The following ENO4 variants were observed in gnomAD, a reference collection of about 807,000 sequenced individuals.
ENO4 encodes the protein enolase 4.
ENO4 carries 53 observed loss-of-function variants against 63.2 expected under a neutral mutation model. The ratio of observed to expected loss-of-function variants is 0.84; its 90% CI spans 0.67 to 1.05. ENO4 has a LOEUF of 1.05. Ranked by LOEUF, ENO4 falls within the 50% of genes least tolerant of loss-of-function variation. The pLI, the probability that ENO4 is intolerant of heterozygous loss-of-function variation, is 0.00. For missense variants in ENO4, 719 were observed against 772.0 expected (o/e 0.93, Z 0.81); for synonymous variants, 266 against 283.8 (o/e 0.94, Z 0.63).
In ENO4 at chr10:116,859,149, G is replaced by A. The variant is rs759244496; in HGVS notation, c.634+11G>A. The A allele has an allele frequency of 2.0e-6, 3 of 1,524,866 alleles. No individual in the cohort carries two copies. The South Asian group carries it at 3.7e-5, about 19-fold the overall frequency. 94.5% of individuals were successfully genotyped at this position (1,524,866 alleles called of 1,614,324 possible). ...AGGGGCAAAAGCCAGGTTGGTTGGT[G>A]ACTTATCTTGCAGAGTCGTTAGTAA... On this transcript the variant is annotated intron_variant, in intron 4 of 13. Coordinates refer to ENST00000341276, the MANE Select transcript of ENO4 (RefSeq NM_001242699.2).
At chr10:116,855,814 T>C (rs1846243326) in intron 2 of ENO4, 63 bp downstream of exon 2, 1 of 1,430,924 alleles carries the variant, frequency 7.0e-7, no homozygotes. Context: ...TAGCAACACT[T>C]GTCTAAGCTG....
chr10:116,850,088 T>G (rs2133236786), intron 1 of ENO4: 2 of 410,282 alleles, frequency 4.9e-6, no homozygotes, highest in Non-Finnish European at 4.6e-6. Context: ...TTTTAACACA[T>G]ACCTTAATGC....
chr10:116,862,659 TACTG>T, intron 6 of ENO4, 136 bp from the exon 7 acceptor site: 1 of 618,552 alleles, frequency 1.6e-6, no homozygotes, highest in Non-Finnish European at 2.9e-6. Flanking sequence ...ACATTTAATC[TACTG>T]ATTTTGTAGA....
chr10:116,878,965 G>A (rs1333905720), intron 11 of ENO4, among the ~76,000 whole-genome samples: 3 of 151,912 alleles, frequency 2.0e-5, no homozygotes, highest in East Asian at 1.9e-4. Flanking sequence ...GGATGGTCTC[G>A]ATCTCCTGAC....
rs574707425 is a variant in ENO4, at chr10:116,881,590, C to T, written c.1799C>T (p.Ala600Val). The change falls in exon 14 of 14, where the codon GCG becomes GTG. Residue 600 changes from alanine (A) to valine (V), a missense_variant. Physicochemically the swap from Ala to Val is moderately conservative, Grantham distance 64. Around this residue, in one of 3 missense-constraint regions of ENO4, gnomAD observed 168 missense variants for 163.3 expected, o/e 1.03. Coordinates refer to ENST00000341276, the MANE Select transcript of ENO4 (RefSeq NM_001242699.2). Reference sequence around the variant, plus strand: ...GCTGCGGAGGCACTTGAGGCTGCTGCGGCTAGGGAGCCGCTGGTGCCCACC... The same window carrying T: ...GCTGCGGAGGCACTTGAGGCTGCTGTGGCTAGGGAGCCGCTGGTGCCCACC... ...EKAAEALEAA[A>V]AREPLVPTFP... The T allele has an allele frequency of 1.7e-5, 26 of 1,550,302 alleles. No individual in the cohort carries two copies. Among genetic ancestry groups the T allele is most frequent in the African/African-American group, 1.5e-4 (11 of 73,160 alleles).
chr10:116,867,580 C>T (rs868781779), intron 7 of ENO4, among the ~76,000 whole-genome samples: 1 of 152,090 alleles, frequency 6.6e-6, no homozygotes, highest in South Asian at 2.1e-4. Context: ...CAGAGTGAGA[C>T]CCTGTCTTTA....
At chr10:116,863,916 G>T (rs1846485761) in intron 7 of ENO4, among the ~76,000 whole-genome samples, 1 of 151,856 alleles carries the variant, frequency 6.6e-6, no homozygotes, top group Admixed American at 6.6e-5. Context: ...AGTTAGCTCT[G>T]ATGTTGCACT....
chr10:116,911,768 A>G, exon 11 of ENO4: 1 of 1,602,354 alleles, frequency 6.2e-7, no homozygotes, highest in Non-Finnish European at 8.5e-7. Context: ...TAGCTAAACA[A>G]TAAACTGAAA....
At chr10:116,900,619 T>C (rs1459736247) in intron 10 of ENO4, 7 of 1,526,450 alleles carry the variant, frequency 4.6e-6, no homozygotes, top group Middle Eastern at 1.8e-4. Context: ...CTCAGCCAAA[T>C]TGCTTTTGTG....
chr10:116,911,407 A>G, intron 10 of ENO4: 1 of 1,496,984 alleles, frequency 6.7e-7, no homozygotes, highest in Non-Finnish European at 8.9e-7. Flanking sequence ...CTTCACATTT[A>G]GGATTCTCCT....
At chr10:116,876,307 C>A (rs1281311444) in intron 11 of ENO4, 47 bp downstream of exon 11, 2 of 1,388,466 alleles carry the variant, frequency 1.4e-6, no homozygotes, top group Non-Finnish European at 1.9e-6. Context: ...CTTGGTTATA[C>A]AAGAAACCAA....
intron 10 of ENO4, among the ~76,000 whole-genome samples, chr10:116,894,085 AT>A (rs1416937894): frequency 1.3e-5 from 2 of 152,166 alleles, no homozygotes; most frequent in African/African-American, 2.4e-5. Flanking sequence ...AGGCAATTAG[AT>A]TTTTTTTCTT....
intron 7 of ENO4, among the ~76,000 whole-genome samples, chr10:116,863,334 C>T (rs1348790988): frequency 6.8e-6 from 1 of 147,748 alleles, no homozygotes; most frequent in East Asian, 2.0e-4. Context: ...AGGAGAGGGA[C>T]CCAATCCTTG....
In ENO4 at chr10:116,849,736, G is replaced by GTGTA; in HGVS notation, c.165+5_165+6insTGTA. Reference sequence around the variant, plus strand: ...GCCGACGTCTACGGGCACCTGGTAGGGACCTGGGACAAGCGCTCTCCTCCC... The same window carrying GTGTA: ...GCCGACGTCTACGGGCACCTGGTAGGTGTAGACCTGGGACAAGCGCTCTCCTCCC... On this transcript the variant is annotated splice_donor_region_variant and intron_variant, in intron 1 of 13. Coordinates refer to ENST00000341276, the MANE Select transcript of ENO4 (RefSeq NM_001242699.2). 1 of 1,501,022 alleles carries GTGTA rather than the reference G, an allele frequency of 6.7e-7. No individual in the cohort carries two copies. Among genetic ancestry groups the GTGTA allele is most frequent in the South Asian group, 1.3e-5 (1 of 76,790 alleles). The allele number at this position is 1,501,022 out of a possible 1,614,324, so 93.0% of individuals were successfully genotyped here.
intron 3 of ENO4, 86 bp downstream of exon 3, chr10:116,856,768 G>A (rs973501323): frequency 2.6e-5 from 30 of 1,156,610 alleles, no homozygotes; most frequent in African/African-American, 4.7e-5. Flanking sequence ...TTGGGAGGCC[G>A]AGGCGGGCAG....
chr10:116,911,587 C>T (rs757736545), exon 11 of ENO4: 12 of 1,550,916 alleles, frequency 7.7e-6, no homozygotes, highest in Non-Finnish European at 1.0e-5. Context: ...TCTTTTAGAA[C>T]AAAAACAGCA....
At chr10:116,879,788 T>G (rs1453795026) in intron 12 of ENO4, 81 bp from the exon 13 acceptor site, 1 of 1,087,364 alleles carries the variant, frequency 9.2e-7, no homozygotes, top group African/African-American at 1.6e-5. Context: ...CTGTGACAGT[T>G]TCCTTTGTCT....
chr10:116,863,356 TCACACACACACACACACA>T (rs10646641), intron 7 of ENO4, among the ~76,000 whole-genome samples: 4 of 147,298 alleles, frequency 2.7e-5, no homozygotes, highest in African/African-American at 5.0e-5. Flanking sequence ...CTGTGGGGCT[TCACACACACACACACACA>T]CACACACACA....
At position 116,871,067 on chromosome 10, in the gene ENO4, A is replaced by C. The variant is rs533418738; in HGVS notation, c.1048-58A>C. Reference sequence around the variant, plus strand: ...ATCATAAACCATGCTTATCACAGGAAGCGCCAAGAACCTTAATGTGCTGTA... The same window carrying C: ...ATCATAAACCATGCTTATCACAGGACGCGCCAAGAACCTTAATGTGCTGTA... On this transcript the variant is annotated intron_variant, in intron 8 of 13. Transcript: ENST00000341276. 2.8e-5 allele frequency: 41 copies of C among 1,449,090 alleles called. No individual in the cohort carries two copies. In the African/African-American group the frequency reaches 5.3e-4, roughly 19 times the overall value. 89.8% of individuals were successfully genotyped at this position (1,449,090 alleles called of 1,614,324 possible).
Sources: gnomAD v4.1 joint callset for allele counts (sites outside exome capture counted in the v4.1 genomes callset) on GRCh38, gnomAD v4.1.1 for gene constraint, gnomAD v4.1.1 regional missense constraint, MANE v1.5 for transcripts, NCBI Gene and HGNC (gene_info 2026-07-23, HGNC 2026-07-21) for gene names.